The following RILPL1 variants were observed in gnomAD, a reference collection of about 807,000 sequenced individuals.
The protein encoded by RILPL1 is Rab interacting lysosomal protein like 1, also known as RILP-like protein 1.
RILPL1 carries 33 observed loss-of-function variants against 50.3 expected under a neutral mutation model. The observed-to-expected ratio is 0.66, with a 90% CI of 0.50 to 0.88. RILPL1 has a LOEUF of 0.88. RILPL1 is among the 40% of genes least tolerant of loss of function. The pLI is 0.00. For synonymous variants in RILPL1, 205 were observed against 228.6 expected, an observed-to-expected ratio of 0.90 and a Z score of 0.93; for missense variants, 418 against 542.5, an observed-to-expected ratio of 0.77 and a Z score of 2.28.
At chr12:123,481,525 T>C (rs1593535989) in intron 6 of RILPL1, among the ~76,000 whole-genome samples, 1 of 151,874 alleles carries the variant, frequency 6.6e-6, no homozygotes, top group East Asian at 1.9e-4. Flanking sequence ...CTGTGGCAAG[T>C]TGGAACTTTT....
At position 123,485,734 on chromosome 12, in the gene RILPL1, G is replaced by A. The variant is rs368982428; in HGVS notation, c.873C>T (p.Arg291=). The change falls in exon 5 of 7, where the codon CGC becomes CGT. Residue 291 remains arginine, a synonymous_variant. Coordinates refer to ENST00000376874, the MANE Select transcript of RILPL1 (RefSeq NM_178314.5). This position sits in a 1 kb window ranked among gnomAD's most constrained non-coding sequence, Gnocchi z 4.0. ...KVAMDLKDPN[R]PRFTLQELRD... ...GCAGCTCCTGCAGGGTGAACCGGGG[G>A]CGGTTGGGGTCCTTGAGATCCATGG... 2.4e-5 allele frequency: 39 copies of A among 1,613,192 alleles called. No individual in the cohort carries two copies. The African/African-American group carries it at 5.1e-4, about 21-fold the overall frequency.
chr12:123,533,364 C>T lies in RILPL1; in HGVS notation c.119G>A (p.Arg40Gln). Residue 40 changes from arginine (R) to glutamine (Q), a missense_variant, in exon 1 of 7, where the codon CGG becomes CAG. Coordinates refer to ENST00000376874, the MANE Select transcript of RILPL1 (RefSeq NM_178314.5). The surrounding 1 kb of genome is among the most constrained non-coding windows in gnomAD (Gnocchi z 6.2). ...IASLVGHEFERVIDQHGCEAI... is the reference protein window; with the variant it reads ...IASLVGHEFEQVIDQHGCEAI... The stretch of plus-strand genomic sequence containing the variant: ...CTCGCAGCCGTGCTGGTCAATGACC[C>T]GCTCGAACTCGTGGCCCACAAGCGA... 6.4e-7 allele frequency: 1 copy of T among 1,571,752 alleles called. No homozygotes were observed. The highest frequency in any genetic ancestry group is 8.6e-7 in the Non-Finnish European group (1 of 1,160,474).
At chr12:123,480,418 TC>T (rs2139311388) in intron 6 of RILPL1, among the ~76,000 whole-genome samples, 1 of 152,092 alleles carries the variant, frequency 6.6e-6, no homozygotes, top group South Asian at 2.1e-4. Context: ...TGCCTCAGCC[TC>T]CCAAAGTGCT....
intron 2 of RILPL1, among the ~76,000 whole-genome samples, chr12:123,510,887 A>AGGTCTGTGTGTGTGTGT (rs1884091825): frequency 1.2e-5 from 1 of 83,782 alleles, no homozygotes; most frequent in Non-Finnish European, 2.3e-5. Flanking sequence ...TGTGTGTGTG[A>AGGTCTGTGTGTGTGTGT]GGTCTGTGTG....
At position 123,513,334 on chromosome 12, in the gene RILPL1, C is replaced by T. The variant is rs182579593; in HGVS notation, c.460+10161G>A. On this transcript the variant is annotated intron_variant, in intron 2 of 6. Transcript: ENST00000376874. ...GAACACTTGTCCCGACATGCCCTGT[C>T]CTGGGGCGCCAGGACCCACTCACTC... 35 of 392,448 alleles carry T rather than the reference C, an allele frequency of 8.9e-5. No homozygotes were observed. The East Asian group carries it at 2.9e-3, about 33-fold the overall frequency. 24.3% of individuals were successfully genotyped at this position (392,448 alleles called of 1,614,324 possible).
chr12:123,505,238 G>T (rs1236336065), intron 2 of RILPL1, among the ~76,000 whole-genome samples: 3 of 152,110 alleles, frequency 2.0e-5, no homozygotes, highest in Non-Finnish European at 4.4e-5. Context: ...CACCATGTTG[G>T]CCAGGCTGGT....
chr12:123,489,490 C>G lies in RILPL1; in HGVS notation c.802-3685G>C, dbSNP rs1882549417. 6.6e-6 allele frequency among the ~76,000 whole-genome samples: 1 copy of G among 151,898 alleles called. No homozygotes were observed. The highest frequency in any genetic ancestry group is 2.4e-5 in the African/African-American group (1 of 41,342). On this transcript the variant is annotated intron_variant, in intron 4 of 6. Coordinates refer to ENST00000376874, the MANE Select transcript of RILPL1 (RefSeq NM_178314.5). This position sits in a 1 kb window ranked among gnomAD's most constrained non-coding sequence, Gnocchi z 4.0. ...CCAGCCTGGCCAACATGGTGAAACC[C>G]CGTCTCTACTAAAAAACACAAAAAT...
intron 4 of RILPL1, among the ~76,000 whole-genome samples, chr12:123,490,480 C>A (rs1277135892): frequency 2.0e-5 from 3 of 152,150 alleles, no homozygotes; most frequent in Admixed American, 2.0e-4. Context: ...TTCCTTAGAA[C>A]CTGAGTTCTT....
intron 6 of RILPL1, among the ~76,000 whole-genome samples, chr12:123,482,675 G>A (rs1030202175): frequency 1.3e-5 from 2 of 150,098 alleles, no homozygotes; most frequent in Admixed American, 6.7e-5. Context: ...CTGGAGTGCA[G>A]TGGTACAATC....
In RILPL1 at chr12:123,533,523, C is replaced by CA; in HGVS notation, c.-42dup. ...CTGTCCCCCGCCCCGCAAACTCGTG[C>CA]AACTCCCAAACTTGCCGCTGTCGAG... On this transcript the variant is annotated 5_prime_UTR_variant, in exon 1 of 7. Transcript: ENST00000376874. This position sits in a 1 kb window ranked among gnomAD's most constrained non-coding sequence, Gnocchi z 6.2. The CA allele has an allele frequency of 6.9e-7, 1 of 1,449,306 alleles. No homozygotes were observed. Among genetic ancestry groups the CA allele is most frequent in the Non-Finnish European group, 9.1e-7 (1 of 1,094,298 alleles). 89.8% of individuals were successfully genotyped at this position (1,449,306 alleles called of 1,614,324 possible).
intron 5 of RILPL1, among the ~76,000 whole-genome samples, chr12:123,484,529 A>G (rs1340323031): frequency 6.6e-6 from 1 of 151,874 alleles, no homozygotes; most frequent in Non-Finnish European, 1.5e-5. Context: ...AACATCTCCC[A>G]TATCTAAATA....
chr12:123,533,320 G>C lies in RILPL1; in HGVS notation c.163C>G (p.Pro55Ala). The change falls in exon 1 of 7, where the codon CCC (proline) becomes GCC (alanine). Residue 55 changes from proline (P) to alanine (A), a missense_variant. Pro to Ala is a conservative substitution (Grantham distance 27, BLOSUM62 -1). Coordinates refer to ENST00000376874, the MANE Select transcript of RILPL1 (RefSeq NM_178314.5). This position sits in a 1 kb window ranked among gnomAD's most constrained non-coding sequence, Gnocchi z 6.2. ...ATCTCCAGGACGCGCACGACCTTGG[G>C]CATGAGGCGCGCGATGGCCTCGCAG... ...HGCEAIARLM[P>A]KVVRVLEILE... The C allele has an allele frequency of 6.3e-7, 1 of 1,583,618 alleles. No homozygotes were observed. Among genetic ancestry groups the C allele is most frequent in the South Asian group, 1.1e-5 (1 of 87,216 alleles).
At chr12:123,477,602 G>T (rs1381531097) in intron 6 of RILPL1, among the ~76,000 whole-genome samples, 1 of 152,118 alleles carries the variant, frequency 6.6e-6, no homozygotes, top group African/African-American at 2.4e-5. Flanking sequence ...GCCTCCCAAA[G>T]TGCTGGAGTG....
At chr12:123,484,485 GT>G (rs1297932008) in intron 5 of RILPL1, among the ~76,000 whole-genome samples, 1 of 151,962 alleles carries the variant, frequency 6.6e-6, no homozygotes, top group Non-Finnish European at 1.5e-5. Context: ...CACCTCTGTG[GT>G]TTCTTCTACC....
At chr12:123,532,026 T>C (rs945704703) in intron 1 of RILPL1, among the ~76,000 whole-genome samples, 2 of 152,228 alleles carry the variant, frequency 1.3e-5, no homozygotes, top group Admixed American at 6.5e-5. Flanking sequence ...GTTACCTACC[T>C]GTGGGTCTGC....
chr12:123,510,367 T>G (rs1407624366), intron 2 of RILPL1, among the ~76,000 whole-genome samples: 1 of 147,982 alleles, frequency 6.8e-6, no homozygotes, highest in Non-Finnish European at 1.5e-5. Context: ...GGGGGTGTGG[T>G]GTGTGTGTGT....
At chr12:123,501,652 C>A (rs1883394060) in intron 2 of RILPL1, among the ~76,000 whole-genome samples, 1 of 148,018 alleles carries the variant, frequency 6.8e-6, no homozygotes, top group South Asian at 2.1e-4. Context: ...CCCAGCTACT[C>A]GGGAGGCTGA....
intron 2 of RILPL1, among the ~76,000 whole-genome samples, chr12:123,507,802 G>A (rs550282422): frequency 6.6e-6 from 1 of 151,652 alleles, no homozygotes; most frequent in African/African-American, 2.4e-5. Context: ...TTAGCTGGGC[G>A]TGGTGGTGCA....
intron 2 of RILPL1, chr12:123,513,896 G>A (rs1241724385): frequency 2.0e-5 from 3 of 152,216 alleles, no homozygotes; most frequent in South Asian, 2.1e-4. Flanking sequence ...GCAGCCACAC[G>A]TGTGGGAGTG....
Sources: allele counts gnomAD v4.1 joint callset (sites outside exome capture counted in the v4.1 genomes callset), GRCh38; gene constraint gnomAD v4.1.1; non-coding constraint Gnocchi (gnomAD v3.1); transcripts MANE v1.5; gene names NCBI Gene and HGNC (gene_info 2026-07-23, HGNC 2026-07-21).